DOCK4: variants seen among roughly 807,000 people sequenced by gnomAD.
DOCK4 encodes dedicator of cytokinesis protein 4.
DOCK4 carries 97 observed loss-of-function variants against 268.1 expected under a neutral mutation model. The observed-to-expected ratio is 0.36, with a 90% CI of 0.31 to 0.43. DOCK4 has a LOEUF of 0.43. Ranked by LOEUF, DOCK4 falls within the 20% of genes least tolerant of loss-of-function variation. The probability of loss-of-function intolerance (pLI) is 1.00; values close to 1 mark genes in which losing one functional copy is unlikely to be tolerated. For synonymous variants in DOCK4, 954 were observed against 887.2 expected (o/e 1.08, Z -1.34); for missense variants, 2,145 against 2,455.7 (o/e 0.87, Z 2.67).
At chr7:111,796,767 T>A (rs1027631094) in intron 30 of DOCK4, among the ~76,000 whole-genome samples, 29 of 152,324 alleles carry the variant, frequency 1.9e-4, no homozygotes, top group African/African-American at 6.7e-4. Flanking sequence ...ATCCATTTTT[T>A]AGAAAGCCAG....
intron 26 of DOCK4, among the ~76,000 whole-genome samples, chr7:111,830,737 C>G (rs1411254968): frequency 6.6e-6 from 1 of 152,044 alleles, no homozygotes; most frequent in Non-Finnish European, 1.5e-5. Context: ...AAAGTCTACA[C>G]ATCCAAACTT....
chr7:111,877,191 TA>T lies in DOCK4; in HGVS notation c.1588-6del. On this transcript the variant is annotated splice_region_variant and splice_polypyrimidine_tract_variant and intron_variant, in intron 16 of 52. Coordinates refer to ENST00000428084, the MANE Select transcript of DOCK4 (RefSeq NM_001363540.2). ...AAGATTTGTGTTTTCTTCACACTGTTAAAAATATTTAAAAAAACATAAGGGA... is the reference window on the plus strand; with the variant it reads ...AAGATTTGTGTTTTCTTCACACTGTTAAAATATTTAAAAAAACATAAGGGA... The T allele has an allele frequency of 6.9e-7, 1 of 1,445,338 alleles. No individual in the cohort carries two copies. The highest frequency in any genetic ancestry group is 9.2e-7 in the Non-Finnish European group (1 of 1,092,168). 89.5% of individuals were successfully genotyped at this position (1,445,338 alleles called of 1,614,324 possible). A position where few individuals can be genotyped will look rare whatever the true frequency, so the allele number is the denominator to read the frequency against.
intron 42 of DOCK4, among the ~76,000 whole-genome samples, chr7:111,750,439 C>G (rs573279281): frequency 1.3e-5 from 2 of 152,244 alleles, no homozygotes; most frequent in South Asian, 4.1e-4. Flanking sequence ...CAGAATGTCC[C>G]TGAGAAGCTT....
chr7:112,103,460 C>T (rs947427374), intron 1 of DOCK4, among the ~76,000 whole-genome samples: 1 of 152,116 alleles, frequency 6.6e-6, no homozygotes, highest in African/African-American at 2.4e-5. Flanking sequence ...ATCTCCTGGG[C>T]CTCAGGAAGC....
chr7:111,728,651 C>T lies in DOCK4; in HGVS notation c.5551G>A (p.Val1851Ile), dbSNP rs765057136. The T allele has an allele frequency of 1.2e-6, 2 of 1,613,894 alleles. No individual in the cohort carries two copies. Among genetic ancestry groups the T allele is most frequent in the African/African-American group, 2.7e-5 (2 of 74,924 alleles). Residue 1851 changes from valine to isoleucine, a missense_variant, in exon 53 of 53, where the codon GTC becomes ATC. Coordinates refer to ENST00000428084, the MANE Select transcript of DOCK4 (RefSeq NM_001363540.2). ...HSPGLISNSP[V>I]LSGSYSSGIS... ...CCACTGCTGTAGCTGCCCGACAAGA[C>T]AGGGGAGTTGGAGATGAGTCCTGGC...
intron 1 of DOCK4, among the ~76,000 whole-genome samples, chr7:112,098,473 A>G (rs983925604): frequency 2.6e-5 from 4 of 151,154 alleles, no homozygotes; most frequent in African/African-American, 9.7e-5. Context: ...CACAGCGTCC[A>G]GCCTATAAAT....
intron 1 of DOCK4, among the ~76,000 whole-genome samples, chr7:112,051,771 T>C (rs1468591234): frequency 6.6e-6 from 1 of 152,160 alleles, no homozygotes; most frequent in East Asian, 1.9e-4. Flanking sequence ...GTAGAAAATA[T>C]TCAGGCATTT....
chr7:111,838,920 G>A (rs1803456235), intron 25 of DOCK4, among the ~76,000 whole-genome samples: 1 of 152,196 alleles, frequency 6.6e-6, no homozygotes, highest in Non-Finnish European at 1.5e-5. Flanking sequence ...ATGATTTATG[G>A]AATGGCACTA....
intron 1 of DOCK4, among the ~76,000 whole-genome samples, chr7:112,183,717 C>T (rs1007245415): frequency 3.3e-5 from 5 of 152,172 alleles, no homozygotes; most frequent in African/African-American, 1.2e-4. Context: ...GTAGTTCAAT[C>T]AGATTGAGAA....
chr7:111,738,884 G>C (rs1795694062), intron 49 of DOCK4, among the ~76,000 whole-genome samples: 2 of 152,166 alleles, frequency 1.3e-5, no homozygotes, highest in South Asian at 4.1e-4. Flanking sequence ...GTTGCAGTGA[G>C]CCAGGATTGT....
At chr7:111,910,542 G>A (rs1356221422) in intron 13 of DOCK4, among the ~76,000 whole-genome samples, 2 of 152,142 alleles carry the variant, frequency 1.3e-5, no homozygotes, top group East Asian at 1.9e-4. Context: ...CTATTAAAAC[G>A]CTAATATTTT....
intron 37 of DOCK4, among the ~76,000 whole-genome samples, chr7:111,768,430 T>G (rs1797902434): frequency 1.3e-5 from 2 of 152,320 alleles, no homozygotes; most frequent in South Asian, 2.1e-4. Context: ...AATTTTTACG[T>G]GTACCCAATT....
At chr7:111,959,407 C>T (rs1229034151) in intron 8 of DOCK4, among the ~76,000 whole-genome samples, 1 of 152,120 alleles carries the variant, frequency 6.6e-6, no homozygotes, top group African/African-American at 2.4e-5. Flanking sequence ...GGGATCTATG[C>T]CCATGATTGA....
rs1046864431 is a variant in DOCK4 at position 111,864,515 on chromosome 7, G to T, written c.2281-951C>A. Among the ~76,000 whole-genome samples, 4 of 152,118 alleles carry T rather than the reference G, an allele frequency of 2.6e-5. No homozygotes were observed. The South Asian group carries it at 8.3e-4, about 32-fold the overall frequency. ...ATCTGACTCCATCAGAAAATAGGTC[G>T]CGTCTACATGTGCTGATGATTCAAA... On this transcript the variant is annotated intron_variant, in intron 22 of 52. Coordinates refer to ENST00000428084, the MANE Select transcript of DOCK4 (RefSeq NM_001363540.2).
intron 13 of DOCK4, among the ~76,000 whole-genome samples, chr7:111,908,264 C>T (rs1480965608): frequency 4.6e-5 from 7 of 151,522 alleles, no homozygotes; most frequent in East Asian, 1.9e-4. Context: ...TTGGCTAACA[C>T]GGTGAAACCC....
At chr7:111,757,783 A>G (rs1797130682) in intron 41 of DOCK4, among the ~76,000 whole-genome samples, 1 of 152,198 alleles carries the variant, frequency 6.6e-6, no homozygotes, top group Non-Finnish European at 1.5e-5. Context: ...TTAGGAGCAC[A>G]TTTCCTAGCT....
At chr7:112,057,942 C>T (rs1157993249) in intron 1 of DOCK4, among the ~76,000 whole-genome samples, 2 of 149,702 alleles carry the variant, frequency 1.3e-5, no homozygotes, top group African/African-American at 4.9e-5. Flanking sequence ...TTTGTAAGTG[C>T]TTTATTTTAC....
At chr7:111,948,597 CTTT>C (rs111864257) in intron 8 of DOCK4, among the ~76,000 whole-genome samples, 1 of 146,438 alleles carries the variant, frequency 6.8e-6, no homozygotes, top group Non-Finnish European at 1.5e-5. Context: ...TTTTCTTCTT[CTTT>C]TTTTTTTTCC....
chr7:111,781,745 C>A (rs1311650801), intron 35 of DOCK4, among the ~76,000 whole-genome samples: 6 of 152,098 alleles, frequency 3.9e-5, no homozygotes, highest in African/African-American at 1.4e-4. Context: ...AAGACAGTCA[C>A]AAGAAAGCAG....
Sources: gnomAD v4.1 joint callset for allele counts (sites outside exome capture counted in the v4.1 genomes callset) on GRCh38, gnomAD v4.1.1 for gene constraint, MANE v1.5 for transcripts, NCBI Gene and HGNC (gene_info 2026-07-23, HGNC 2026-07-21) for gene names.